The following PRAMEF2 variants were observed in gnomAD, a reference collection of about 807,000 sequenced individuals.
PRAMEF2 encodes PRAME family member 2.
PRAMEF2 carries 35 observed loss-of-function variants against 38.0 expected under a neutral mutation model. The observed-to-expected ratio is 0.92, with a 90% confidence interval of 0.70 to 1.22. The LOEUF (loss-of-function observed/expected upper bound fraction) is 1.22, where lower values mean the gene tolerates loss of function less well. Ranked by LOEUF, PRAMEF2 falls within the 50% of genes most tolerant of loss-of-function variation. The probability of loss-of-function intolerance (pLI) is 0.00; values close to 1 mark genes in which losing one functional copy is unlikely to be tolerated. For synonymous variants in PRAMEF2, 240 were observed against 232.4 expected, an observed-to-expected ratio of 1.03 and a Z score of -0.30; for missense variants, 562 against 553.9, an observed-to-expected ratio of 1.01 and a Z score of -0.15.
At chr1:12,860,404 C>T (rs1267244862) in intron 3 of PRAMEF2, 133 bp downstream of exon 3, 2 of 1,503,716 alleles carry the variant, frequency 1.3e-6, no homozygotes, top group Non-Finnish European at 1.8e-6. Flanking sequence ...AATGTCAACA[C>T]ATTGTCCCAT....
intron 2 of PRAMEF2, 122 bp from the exon 3 acceptor site, chr1:12,859,571 A>G: frequency 6.6e-7 from 1 of 1,512,176 alleles, no homozygotes; most frequent in Non-Finnish European, 9.0e-7. Context: ...AGGGATTGAG[A>G]AAAGACAAAG....
In PRAMEF2 at chr1:12,859,133, G is replaced by C. The variant is rs772874744; in HGVS notation, c.124G>C (p.Glu42Gln). 6.2e-7 allele frequency: 1 copy of C among 1,607,018 alleles called. No individual in the cohort carries two copies. The highest frequency in any genetic ancestry group is 8.5e-7 in the Non-Finnish European group (1 of 1,176,864). Residue 42 changes from glutamate to glutamine, a missense_variant, in exon 2 of 4, where the codon GAG becomes CAG. This residue lies in a region of PRAMEF2 where 486 missense variants were observed against 444.2 expected (regional missense o/e 1.09). Transcript: ENST00000240189. Reference protein sequence around the residue: ...PRVLYLPLFREAFSRRHFQTL... With the variant: ...PRVLYLPLFRQAFSRRHFQTL... ...GGTGCTCTATCTCCCACTCTTCAGGGAGGCCTTCAGCAGGAGACACTTCCA... is the reference window on the plus strand; with the variant it reads ...GGTGCTCTATCTCCCACTCTTCAGGCAGGCCTTCAGCAGGAGACACTTCCA...
At position 12,859,294 on chromosome 1, in the gene PRAMEF2, C is replaced by G. The variant is rs779800173; in HGVS notation, c.285C>G (p.Pro95=). 1.6e-5 allele frequency: 25 copies of G among 1,609,584 alleles called. 1 individual carries two copies. In the South Asian group the frequency reaches 2.7e-4, roughly 18 times the overall value. ...TGCTGCTTACACAGAAGGATCGCCC[C>G]AGGTGAGGTGACCCAGGAGGGCTAG... The part of the protein sequence containing the change: ...LHMLLTQKDR[P]RRWKLQVLDL... The change falls in exon 2 of 4, where the codon CCC becomes CCG. Residue 95 remains proline, a splice_region_variant and synonymous_variant. Transcript: ENST00000240189.
Position 12,859,843 on chromosome 1 carries a change from C to G in PRAMEF2, c.438C>G (p.Pro146=). 6.2e-7 allele frequency: 1 copy of G among 1,607,312 alleles called. No individual in the cohort carries two copies. Among genetic ancestry groups the G allele is most frequent in the Non-Finnish European group, 8.5e-7 (1 of 1,177,548 alleles). The change falls in exon 3 of 4, where the codon CCC becomes CCG. Residue 146 remains proline, a synonymous_variant. Transcript: ENST00000240189. The part of the protein sequence containing the change: ...EDCPRTGEHQ[P]LKVFIDICLK... ...GTCCAAGGACGGGAGAGCACCAGCC[C>G]TTAAAGGTGTTCATAGACATCTGCC...
chr1:12,858,875 A>C (rs1174241399), intron 1 of PRAMEF2, 110 bp from the exon 2 acceptor site: 1 of 1,265,446 alleles, frequency 7.9e-7, no homozygotes, highest in African/African-American at 1.5e-5. Context: ...AATTGGGGTA[A>C]AGTGGTAATT....
Position 12,861,448 on chromosome 1 carries a change from A to T in PRAMEF2, c.1094A>T (p.Gln365Leu). 1 of 1,604,456 alleles carries T rather than the reference A, an allele frequency of 6.2e-7. No individual in the cohort carries two copies. Among genetic ancestry groups the T allele is most frequent in the Non-Finnish European group, 8.5e-7 (1 of 1,176,478 alleles). ...GAGGGCTGTCAGATCCACTACTCCC[A>T]ACTCAGTGCCATCCTGCCTGGCCTG... Reference protein sequence around the residue: ...VLEGCQIHYSQLSAILPGLSC... With the variant: ...VLEGCQIHYSLLSAILPGLSC... Residue 365 changes from glutamine (Q) to leucine (L), a missense_variant, in exon 4 of 4, where the codon CAA becomes CTA. Transcript: ENST00000240189.
chr1:12,861,795 T>A lies in PRAMEF2; in HGVS notation c.*16T>A. 3.8e-6 allele frequency: 6 copies of A among 1,582,732 alleles called. No homozygotes were observed. The highest frequency in any genetic ancestry group is 5.2e-6 in the Non-Finnish European group (6 of 1,164,210). On this transcript the variant is annotated 3_prime_UTR_variant, in exon 4 of 4. Coordinates refer to ENST00000240189, the MANE Select transcript of PRAMEF2 (RefSeq NM_023014.1). ...TTGCTGCTAGGGAAGGCGTGCCCAG[T>A]GGGGTAGAGAAATCCAAAGTTCTCT... is the stretch of plus-strand genomic sequence containing the variant.
In PRAMEF2 at chr1:12,859,195, C is replaced by T; in HGVS notation, c.186C>T (p.Thr62=). 1 of 1,609,702 alleles carries T rather than the reference C, an allele frequency of 6.2e-7. No individual in the cohort carries two copies. The highest frequency in any genetic ancestry group is 1.1e-5 in the South Asian group (1 of 90,924). Residue 62 remains threonine, a synonymous_variant, in exon 2 of 4, where the codon ACC becomes ACT. Coordinates refer to ENST00000240189, the MANE Select transcript of PRAMEF2 (RefSeq NM_023014.1). The part of the protein sequence containing the change: ...LTVMVQAWPF[T]CLPLVSLMKT... ...TGATGGTGCAGGCCTGGCCTTTCAC[C>T]TGCCTCCCTCTGGTATCGCTGATGA...
At chr1:12,859,585 A>G in intron 2 of PRAMEF2, 108 bp from the exon 3 acceptor site, 1 of 1,522,722 alleles carries the variant, frequency 6.6e-7, no homozygotes, top group Non-Finnish European at 8.9e-7. Context: ...GACAAAGAGA[A>G]CAGGGAGCAC....
chr1:12,859,361 G>C (rs571578258), intron 2 of PRAMEF2, 65 bp downstream of exon 2: 4 of 1,604,490 alleles, frequency 2.5e-6, no homozygotes, highest in Non-Finnish European at 3.4e-6. Context: ...AGCAGGGTCA[G>C]GCAGAGAAGT....
Position 12,861,360 on chromosome 1 carries a change from A to G in PRAMEF2, c.1006A>G (p.Ser336Gly), listed in dbSNP as rs763084946. 1 of 1,606,682 alleles carries G rather than the reference A, an allele frequency of 6.2e-7. No homozygotes were observed. Among genetic ancestry groups the G allele is most frequent in the South Asian group, 1.1e-5 (1 of 90,476 alleles). The change falls in exon 4 of 4, where the codon AGT becomes GGT. Residue 336 changes from serine to glycine, a missense_variant. Coordinates refer to ENST00000240189, the MANE Select transcript of PRAMEF2 (RefSeq NM_023014.1). ...NLSYVLLFRI[S>G]LEPLGALLEK... Reference sequence around the variant, plus strand: ...CAGCTACGTGCTGCTGTTCCGCATCAGTCTTGAACCCCTAGGAGCTCTGCT... The same window carrying G: ...CAGCTACGTGCTGCTGTTCCGCATCGGTCTTGAACCCCTAGGAGCTCTGCT...
At position 12,859,746 on chromosome 1, in the gene PRAMEF2, C is replaced by A; in HGVS notation, c.341C>A (p.Ala114Asp). Residue 114 changes from alanine (A) to aspartate (D), a missense_variant, in exon 3 of 4, where the codon GCC (alanine) becomes GAC (aspartate). Physicochemically the swap from Ala to Asp is moderately radical, Grantham distance 126. This residue lies in a region of PRAMEF2 where 486 missense variants were observed against 444.2 expected (regional missense o/e 1.09). Transcript: ENST00000240189. The stretch of plus-strand genomic sequence containing the variant: ...CGGGATGTTGATGAGAATTTCTGGG[C>A]CAGATGGCCTGGAGCCTGGGCCCTG... The part of the protein sequence containing the change: ...DLRDVDENFW[A>D]RWPGAWALSC... 1 of 1,606,220 alleles carries A rather than the reference C, an allele frequency of 6.2e-7. No homozygotes were observed.
intron 3 of PRAMEF2, among the ~76,000 whole-genome samples, chr1:12,860,567 C>T (rs1223204256): frequency 2.7e-5 from 4 of 149,704 alleles, no homozygotes; most frequent in South Asian, 2.1e-4. Context: ...TTTCCTGTTA[C>T]AAAGTGTGTT....
At chr1:12,859,446 C>T (rs1344734613) in intron 2 of PRAMEF2, 150 bp downstream of exon 2, 1 of 1,456,982 alleles carries the variant, frequency 6.9e-7, no homozygotes. Flanking sequence ...TTGTCCAGAT[C>T]CTCAGAGAAA....
At position 12,859,711 on chromosome 1, in the gene PRAMEF2, G is replaced by A. The variant is rs1236664393; in HGVS notation, c.306G>A (p.Val102=). The A allele has an allele frequency of 6.2e-7, 1 of 1,606,704 alleles. No individual in the cohort carries two copies. The highest frequency in any genetic ancestry group is 1.1e-5 in the South Asian group (1 of 90,810). The part of the protein sequence containing the change: ...KDRPRRWKLQ[V]LDLRDVDENF... ...CCCACAGGAGGTGGAAACTTCAAGTGCTGGATTTGCGGGATGTTGATGAGA... is the reference window on the plus strand; with the variant it reads ...CCCACAGGAGGTGGAAACTTCAAGTACTGGATTTGCGGGATGTTGATGAGA... Residue 102 remains valine (V), a synonymous_variant, in exon 3 of 4, where the codon GTG becomes GTA. Coordinates refer to ENST00000240189, the MANE Select transcript of PRAMEF2 (RefSeq NM_023014.1).
intron 1 of PRAMEF2, among the ~76,000 whole-genome samples, chr1:12,858,335 A>C (rs1487314918): frequency 6.7e-6 from 1 of 150,098 alleles, no homozygotes; most frequent in Admixed American, 6.9e-5. Flanking sequence ...CGGCTCACTG[A>C]AACCTCTGCC....
intron 2 of PRAMEF2, 42 bp from the exon 3 acceptor site, chr1:12,859,651 A>G: frequency 6.2e-7 from 1 of 1,604,330 alleles, no homozygotes; most frequent in Non-Finnish European, 8.5e-7. Context: ...GTCAGGGATG[A>G]GTCCCTCTAA....
Position 12,861,475 on chromosome 1 carries a change from GCT to G in PRAMEF2, c.1122_1123del (p.Ser374ArgfsTer18). ...CTCAGTGCCATCCTGCCTGGCCTGA[GCT>G]GCTGCTCCCAGCTCACCACCTTCTA... On this transcript the variant is annotated frameshift_variant, in exon 4 of 4. Coordinates refer to ENST00000240189, the MANE Select transcript of PRAMEF2 (RefSeq NM_023014.1). LOFTEE classifies it high-confidence loss of function. 6.2e-7 allele frequency: 1 copy of G among 1,605,956 alleles called. No homozygotes were observed. Among genetic ancestry groups the G allele is most frequent in the East Asian group, 2.2e-5 (1 of 44,726 alleles).
At chr1:12,860,765 T>A (rs1159315828) in intron 3 of PRAMEF2, among the ~76,000 whole-genome samples, 1 of 150,126 alleles carries the variant, frequency 6.7e-6, no homozygotes, top group Non-Finnish European at 1.5e-5. Context: ...ACATGGGAAA[T>A]GCGTGCTTCC....
Sources: allele counts gnomAD v4.1 joint callset (sites outside exome capture counted in the v4.1 genomes callset), GRCh38; gene constraint gnomAD v4.1.1; regional missense constraint gnomAD v4.1.1; transcripts MANE v1.5; gene names NCBI Gene and HGNC (gene_info 2026-07-23, HGNC 2026-07-21).